The following ANO3 variants were observed in gnomAD, a reference collection of about 807,000 sequenced individuals.
ANO3 encodes anoctamin-3.
ANO3 carries 99 observed loss-of-function variants against 144.8 expected under a neutral mutation model. The ratio of observed to expected loss-of-function variants is 0.68; its 90% CI spans 0.58 to 0.81. The LOEUF is 0.81. Among genes scored for constraint, ANO3 ranks in the 30% least tolerant of loss-of-function variants. The pLI, the probability that ANO3 is intolerant of heterozygous loss-of-function variation, is 0.00. For missense variants in ANO3, 905 were observed against 1,202.2 expected (o/e 0.75, Z 3.66); for synonymous variants, 414 against 392.6 (o/e 1.05, Z -0.64).
Position 26,599,707 on chromosome 11 carries a change from T to C in ANO3, c.1829T>C (p.Leu610Pro). The C allele has an allele frequency of 6.2e-7, 1 of 1,613,766 alleles. No individual in the cohort carries two copies. The highest frequency in any genetic ancestry group is 8.5e-7 in the Non-Finnish European group (1 of 1,179,752). ...ATCAATTTCATAATCATTATGTTGC[T>C]GAATCTTGTAAGTGTCTATAATGTT... ...VCINFIIIML[L>P]NLAYEKIAYL... is the part of the protein sequence containing the mutation. Residue 610 changes from leucine (L) to proline (P), a missense_variant, in exon 17 of 27, where the codon CTG becomes CCG. Physicochemically the swap from Leu to Pro is moderately conservative, Grantham distance 98 (BLOSUM62 -3). Coordinates refer to ENST00000256737, the MANE Select transcript of ANO3 (RefSeq NM_031418.4).
intron 1 of ANO3, among the ~76,000 whole-genome samples, chr11:26,275,724 G>A (rs1045508227): frequency 7.2e-5 from 11 of 152,128 alleles, no homozygotes; most frequent in South Asian, 2.1e-4. Context: ...TTTCAAGGTG[G>A]TGTTGAAGTG....
intron 4 of ANO3, among the ~76,000 whole-genome samples, chr11:26,486,360 CAAA>C (rs10681114): frequency 2.7e-5 from 2 of 74,324 alleles, no homozygotes; most frequent in Non-Finnish European, 5.2e-5. Flanking sequence ...GACTCTGTCT[CAAA>C]AAAAAAAAAA....
At chr11:26,480,983 TATAAA>T (rs1306461551) in intron 4 of ANO3, among the ~76,000 whole-genome samples, 3 of 152,160 alleles carry the variant, frequency 2.0e-5, no homozygotes, top group Admixed American at 6.6e-5. Flanking sequence ...ATTGTCTATT[TATAAA>T]ATGTGATTGG....
At chr11:26,648,683 A>G (rs1036910200) in intron 24 of ANO3, among the ~76,000 whole-genome samples, 20 of 152,234 alleles carry the variant, frequency 1.3e-4, no homozygotes, top group African/African-American at 4.3e-4. Context: ...GTATTGGGGG[A>G]AAAATGTAAG....
chr11:26,464,746 A>G (rs1859535559), intron 4 of ANO3, among the ~76,000 whole-genome samples: 1 of 151,776 alleles, frequency 6.6e-6, no homozygotes, highest in African/African-American at 2.4e-5. Flanking sequence ...CTAATGCCCT[A>G]CTAAATCTAC....
At chr11:26,592,572 G>A (rs1851485067) in intron 14 of ANO3, among the ~76,000 whole-genome samples, 1 of 149,628 alleles carries the variant, frequency 6.7e-6, no homozygotes, top group Non-Finnish European at 1.5e-5. Flanking sequence ...TGAGATTTGG[G>A]CATGTGGGTA....
intron 1 of ANO3, among the ~76,000 whole-genome samples, chr11:26,360,148 G>GT (rs5790574): frequency 0.99 from 135,047 of 135,978 alleles, 67,081 homozygotes; most frequent in Non-Finnish European, 1. Flanking sequence ...CTTTTTATAA[G>GT]TTTTTTTTTC....
intron 11 of ANO3, among the ~76,000 whole-genome samples, chr11:26,543,155 A>T (rs1849688514): frequency 6.6e-6 from 1 of 152,112 alleles, no homozygotes. Flanking sequence ...AATCTATACC[A>T]TAAAAAGGAT....
At chr11:26,592,281 G>A (rs1366510893) in intron 14 of ANO3, among the ~76,000 whole-genome samples, 1 of 151,722 alleles carries the variant, frequency 6.6e-6, no homozygotes, top group African/African-American at 2.4e-5. Context: ...TTTAGATGTT[G>A]TTTGAGTGTT....
intron 1 of ANO3, chr11:26,285,753 A>T (rs1466185520): frequency 6.6e-6 from 1 of 152,186 alleles, no homozygotes; most frequent in East Asian, 1.9e-4. Flanking sequence ...AGATACAATG[A>T]TGGGGCTGAC....
At chr11:26,557,007 A>C (rs1850100450) in intron 13 of ANO3, among the ~76,000 whole-genome samples, 1 of 152,172 alleles carries the variant, frequency 6.6e-6, no homozygotes, top group Non-Finnish European at 1.5e-5. Flanking sequence ...CAACCTAATC[A>C]GATATATATC....
At chr11:26,237,615 T>C (rs1460085202) in intron 1 of ANO3, among the ~76,000 whole-genome samples, 1 of 151,942 alleles carries the variant, frequency 6.6e-6, no homozygotes, top group South Asian at 2.1e-4. Flanking sequence ...GCATTAGCCA[T>C]AGAAAAATAA....
intron 1 of ANO3, among the ~76,000 whole-genome samples, chr11:26,294,550 AC>A (rs1305861978): frequency 6.6e-6 from 1 of 152,168 alleles, no homozygotes; most frequent in Non-Finnish European, 1.5e-5. Context: ...AATTATCATT[AC>A]TGCTCTCCAA....
intron 1 of ANO3, among the ~76,000 whole-genome samples, chr11:26,413,688 C>T (rs7936566): frequency 0.024 from 3,698 of 151,890 alleles, 70 homozygotes; most frequent in Middle Eastern, 0.048. Flanking sequence ...TTAATCCTTG[C>T]GTTTTCTTAT....
chr11:26,608,092 AC>A (rs1851986190), intron 17 of ANO3, among the ~76,000 whole-genome samples: 1 of 152,030 alleles, frequency 6.6e-6, no homozygotes, highest in South Asian at 2.1e-4. Context: ...GATCTTTGAG[AC>A]TGCTGACCCT....
intron 24 of ANO3, among the ~76,000 whole-genome samples, chr11:26,653,654 C>T (rs559824954): frequency 3.9e-5 from 6 of 151,956 alleles, no homozygotes; most frequent in Admixed American, 6.6e-5. Context: ...CCACCACCAC[C>T]GCCCTCTCAC....
chr11:26,346,776 C>A (rs763308434), intron 1 of ANO3, among the ~76,000 whole-genome samples: 6 of 152,142 alleles, frequency 3.9e-5, no homozygotes, highest in Non-Finnish European at 8.8e-5. Flanking sequence ...CTTACATTTT[C>A]GTCAATACTC....
At chr11:26,646,017 G>A (rs1346441224) in intron 23 of ANO3, among the ~76,000 whole-genome samples, 2 of 152,054 alleles carry the variant, frequency 1.3e-5, no homozygotes, top group Non-Finnish European at 1.5e-5. Context: ...CAGACAACAC[G>A]AAAGTGTATA....
At chr11:26,638,772 C>T (rs1473097339) in intron 20 of ANO3, among the ~76,000 whole-genome samples, 1 of 152,106 alleles carries the variant, frequency 6.6e-6, no homozygotes, top group Non-Finnish European at 1.5e-5. Context: ...TTATTAAAAA[C>T]AATATATTAT....
Sources: gnomAD v4.1 joint callset for allele counts (sites outside exome capture counted in the v4.1 genomes callset) on GRCh38, gnomAD v4.1.1 for gene constraint, MANE v1.5 for transcripts, NCBI Gene and HGNC (gene_info 2026-07-23, HGNC 2026-07-21) for gene names.